EYA2: variants seen among roughly 807,000 people sequenced by gnomAD.
EYA2 encodes the protein protein phosphatase EYA2.
EYA2 carries 31 observed loss-of-function variants against 69.2 expected under a neutral mutation model. That is an observed-to-expected ratio of 0.45 (90% confidence interval 0.34 to 0.60). The LOEUF (loss-of-function observed/expected upper bound fraction) is 0.60, where lower values mean the gene tolerates loss of function less well. Among genes scored for constraint, EYA2 ranks in the 20% least tolerant of loss-of-function variants. The pLI is 0.02. For missense variants in EYA2, 622 were observed against 701.2 expected, an observed-to-expected ratio of 0.89 and a Z score of 1.28; for synonymous variants, 257 against 279.4, an observed-to-expected ratio of 0.92 and a Z score of 0.80.
rs56288405 is a variant in EYA2, at chr20:46,987,916, G to GACAC, written c.-10-2085_-10-2084insACAC. Among the ~76,000 whole-genome samples, 27 of 20,366 alleles carry GACAC rather than the reference G, an allele frequency of 1.3e-3. 2 individuals carry two copies. Among genetic ancestry groups the GACAC allele is most frequent in the East Asian group, 6.8e-3 (4 of 592 alleles). The allele number at this position is 20,366 out of a possible 152,430, so 13.4% of individuals were successfully genotyped here. On this transcript the variant is annotated intron_variant, in intron 1 of 15. Coordinates refer to ENST00000327619, the MANE Select transcript of EYA2 (RefSeq NM_005244.5). ...TACTCCAGCCTGGAAGACAGAGTAA[G>GACAC]TCTCTCTCTCTCTCTCTCTCTCTCT...
chr20:47,016,420 G>T (rs768918483), intron 5 of EYA2, 123 bp downstream of exon 5: 3 of 721,860 alleles, frequency 4.2e-6, no homozygotes, highest in Non-Finnish European at 7.4e-6. Context: ...CTATCTCGAG[G>T]AGTGGAGAAA....
chr20:47,007,233 A>G (rs888644212), intron 4 of EYA2, among the ~76,000 whole-genome samples: 27 of 152,228 alleles, frequency 1.8e-4, no homozygotes, highest in African/African-American at 6.5e-4. Context: ...ACCTGGCCCC[A>G]GATTTTTAAA....
At chr20:46,937,353 T>G (rs893273326) in intron 1 of EYA2, among the ~76,000 whole-genome samples, 1 of 152,252 alleles carries the variant, frequency 6.6e-6, no homozygotes, top group Non-Finnish European at 1.5e-5. Context: ...CTGTGTCTCA[T>G]CTGTATAGTG....
At chr20:46,941,690 G>A (rs1036945855) in intron 1 of EYA2, among the ~76,000 whole-genome samples, 10 of 152,174 alleles carry the variant, frequency 6.6e-5, no homozygotes, top group Admixed American at 4.6e-4. Context: ...TGTCCTGAGG[G>A]TTAGATGAGA....
In EYA2 at chr20:47,183,395, C is replaced by CT; in HGVS notation, c.1536+6dup. 1 of 1,613,572 alleles carries CT rather than the reference C, an allele frequency of 6.2e-7. No individual in the cohort carries two copies. The highest frequency in any genetic ancestry group is 8.5e-7 in the Non-Finnish European group (1 of 1,179,628). The stretch of plus-strand genomic sequence containing the variant: ...AGAGGAGCAAGGAGCGAAAAAGGTA[C>CT]TTCTTCCACCTCTCAGACTGCGTTT... On this transcript the variant is annotated splice_donor_region_variant and intron_variant, in intron 15 of 15. Transcript: ENST00000327619.
At chr20:47,107,968 G>A (rs1003546024) in intron 9 of EYA2, among the ~76,000 whole-genome samples, 1 of 152,190 alleles carries the variant, frequency 6.6e-6, no homozygotes, top group African/African-American at 2.4e-5. Context: ...CTGGTGGAAG[G>A]GCAGAGGGAA....
Position 47,166,393 on chromosome 20 carries a change from T to TTAAAAAAA in EYA2, c.979-2746_979-2745insTAAAAAAA, listed in dbSNP as rs1555806208. Among the ~76,000 whole-genome samples the TTAAAAAAA allele has an allele frequency of 6.0e-3, 208 of 34,524 alleles. 26 individuals carry two copies. Among genetic ancestry groups the TTAAAAAAA allele is most frequent in the Middle Eastern group, 0.033 (1 of 30 alleles). The allele number at this position is 34,524 out of a possible 152,430, so 22.6% of individuals were successfully genotyped here. On this transcript the variant is annotated intron_variant, in intron 10 of 15. Coordinates refer to ENST00000327619, the MANE Select transcript of EYA2 (RefSeq NM_005244.5). ...GCTTGGGTGACAGAGCAAGACTGTCTAAAAAAAAAAAAAAAAAAAAAAAAA... is the reference window on the plus strand; with the variant it reads ...GCTTGGGTGACAGAGCAAGACTGTCTTAAAAAAAAAAAAAAAAAAAAAAAAAAAAAAAA...
intron 9 of EYA2, among the ~76,000 whole-genome samples, chr20:47,127,721 A>G (rs2033233493): frequency 6.6e-6 from 1 of 152,192 alleles, no homozygotes; most frequent in African/African-American, 2.4e-5. Flanking sequence ...CTGAAGCTGG[A>G]AAGATAAGCA....
chr20:47,040,892 T>C (rs988949620), intron 5 of EYA2, among the ~76,000 whole-genome samples: 1 of 152,220 alleles, frequency 6.6e-6, no homozygotes, highest in African/African-American at 2.4e-5. Flanking sequence ...TTAGGGCTTA[T>C]GTAGCCAGCA....
chr20:47,009,508 C>G (rs1208990826), intron 4 of EYA2, among the ~76,000 whole-genome samples: 1 of 152,144 alleles, frequency 6.6e-6, no homozygotes, highest in Non-Finnish European at 1.5e-5. Flanking sequence ...TACTATGACA[C>G]CTATGAACTG....
chr20:47,042,388 T>C (rs1220140435), intron 5 of EYA2, among the ~76,000 whole-genome samples: 1 of 152,222 alleles, frequency 6.6e-6, no homozygotes, highest in Admixed American at 6.5e-5. Context: ...TCTAAAATTA[T>C]CTTTTGTATC....
rs74178703 is a variant in EYA2, at chr20:47,130,261, C to CTTTTTTTTTTTTTTTTTTTTT, written c.889-12797_889-12777dup. On this transcript the variant is annotated intron_variant, in intron 9 of 15. Transcript: ENST00000327619. ...AAAGAAATAAAAGAAGGTTTATTTT[C>CTTTTTTTTTTTTTTTTTTTTT]TTTTTTTTTTTTTTTTTTTTTGAGA... Among the ~76,000 whole-genome samples the CTTTTTTTTTTTTTTTTTTTTT allele has an allele frequency of 4.9e-5, 4 of 81,264 alleles. 1 individual carries two copies. The highest frequency in any genetic ancestry group is 1.5e-4 in the Admixed American group (1 of 6,466). 53.3% of individuals were successfully genotyped at this position (81,264 alleles called of 152,430 possible).
At chr20:46,967,739 A>G (rs6063046) in intron 1 of EYA2, among the ~76,000 whole-genome samples, 33,110 of 152,128 alleles carry the variant, frequency 0.22, 3,916 homozygotes, top group Non-Finnish European at 0.27. Flanking sequence ...AGCAGCTCAC[A>G]TGGCTCCTGG....
intron 7 of EYA2, among the ~76,000 whole-genome samples, chr20:47,078,325 G>GCACACACACA (rs1358060493): frequency 9.5e-5 from 10 of 105,342 alleles, no homozygotes; most frequent in African/African-American, 3.0e-4. Flanking sequence ...ACGTGCGCGC[G>GCACACACACA]CGCGCGCACA....
chr20:47,137,649 C>G (rs1262438988), intron 9 of EYA2, among the ~76,000 whole-genome samples: 1 of 152,188 alleles, frequency 6.6e-6, no homozygotes. Flanking sequence ...CTGCATTCAG[C>G]AGGCAGCCCA....
At chr20:47,048,156 T>G (rs1039814372) in intron 5 of EYA2, among the ~76,000 whole-genome samples, 2 of 152,204 alleles carry the variant, frequency 1.3e-5, no homozygotes, top group Non-Finnish European at 2.9e-5. Context: ...GAACCATTAT[T>G]CCGCCTACCA....
intron 10 of EYA2, among the ~76,000 whole-genome samples, chr20:47,148,097 C>A (rs1166754728): frequency 6.6e-6 from 1 of 151,454 alleles, no homozygotes; most frequent in Non-Finnish European, 1.5e-5. Context: ...TGGTCCGGGA[C>A]ACAGAAGGTG....
At chr20:47,116,310 T>G (rs946419155) in intron 9 of EYA2, among the ~76,000 whole-genome samples, 1 of 151,552 alleles carries the variant, frequency 6.6e-6, no homozygotes, top group South Asian at 2.1e-4. Flanking sequence ...CTCGAGTAGC[T>G]GGGATGACAG....
At chr20:47,091,632 CT>C (rs1223676990) in intron 8 of EYA2, among the ~76,000 whole-genome samples, 1 of 149,420 alleles carries the variant, frequency 6.7e-6, no homozygotes, top group Non-Finnish European at 1.5e-5. Flanking sequence ...GTAGTCCCAG[CT>C]ACTCAGGGGG....
Sources: allele counts gnomAD v4.1 joint callset (sites outside exome capture counted in the v4.1 genomes callset), GRCh38; gene constraint gnomAD v4.1.1; transcripts MANE v1.5; gene names NCBI Gene and HGNC (gene_info 2026-07-23, HGNC 2026-07-21).